GRM5: variants seen among roughly 807,000 people sequenced by gnomAD.
GRM5 encodes glutamate metabotropic receptor 5.
A neutral mutation model predicts 83.1 loss-of-function variants in GRM5; 19 were observed. The observed-to-expected ratio is 0.23, with a 90% confidence interval of 0.16 to 0.34. The LOEUF is 0.34. Among genes scored for constraint, GRM5 ranks in the 10% least tolerant of loss-of-function variants. GRM5 has a pLI of 1.00. For synonymous variants in GRM5, 675 were observed against 633.6 expected (o/e 1.07, Z -0.98); for missense variants, 1,160 against 1,588.3 (o/e 0.73, Z 4.58).
rs192679204 is a variant in GRM5, at chr11:88,952,268, C to T, written c.661+94944G>A. ...ATCTCCTATACATCTTTCAGGTTTC[C>T]TCACTGAAACGTTTTTATGACTTCC... On this transcript the variant is annotated intron_variant, in intron 2 of 9. Coordinates refer to ENST00000305447, the MANE Select transcript of GRM5 (RefSeq NM_001143831.3). 5.8e-3 allele frequency among the ~76,000 whole-genome samples: 884 copies of T among 152,298 alleles called. 4 individuals are homozygous for T. Among genetic ancestry groups the T allele is most frequent in the Non-Finnish European group, 8.9e-3 (603 of 68,014 alleles).
chr11:88,711,724 A>C (rs1235994395), intron 3 of GRM5, among the ~76,000 whole-genome samples: 3 of 152,144 alleles, frequency 2.0e-5, no homozygotes, highest in African/African-American at 4.8e-5. Context: ...AGTGTCTGAC[A>C]AATAGTAGGC....
intron 3 of GRM5, among the ~76,000 whole-genome samples, chr11:88,837,415 C>T (rs962039932): frequency 3.9e-5 from 6 of 151,976 alleles, no homozygotes; most frequent in African/African-American, 7.3e-5. Context: ...AATAGAATTG[C>T]TATAAAAAGT....
chr11:88,567,751 G>T lies in GRM5; in HGVS notation c.1932C>A (p.Cys644Ter). ...CLIAKPKQIYCYLQRIGIGLS... is the reference protein window; with the variant it reads ...CLIAKPKQIY ...GACCAATGCCAATTCTCTGAAGGTA[G>T]CAGTAAATCTGTTTGGGCTTCGCAA... Residue 644 changes from cysteine to a stop codon, truncating the protein, a stop_gained, in exon 8 of 10, where the codon TGC becomes TGA. Coordinates refer to ENST00000305447, the MANE Select transcript of GRM5 (RefSeq NM_001143831.3). LOFTEE classifies it high-confidence loss of function. This position sits in a 1 kb window ranked among gnomAD's most constrained non-coding sequence, Gnocchi z 7.3. 6.2e-7 allele frequency: 1 copy of T among 1,614,032 alleles called. No individual in the cohort carries two copies. Among genetic ancestry groups the T allele is most frequent in the Non-Finnish European group, 8.5e-7 (1 of 1,179,940 alleles).
chr11:89,060,081 A>T (rs1941958202), intron 1 of GRM5, among the ~76,000 whole-genome samples: 1 of 152,126 alleles, frequency 6.6e-6, no homozygotes, highest in South Asian at 2.1e-4. Context: ...AACATACTAC[A>T]ACTCACTGGA....
At chr11:88,678,796 T>G (rs1217466516) in intron 3 of GRM5, among the ~76,000 whole-genome samples, 5 of 151,978 alleles carry the variant, frequency 3.3e-5, no homozygotes, top group South Asian at 2.1e-4. Flanking sequence ...CAAAGATGAG[T>G]GGTAATTAAC....
chr11:88,982,934 C>T (rs929709511), intron 2 of GRM5, among the ~76,000 whole-genome samples: 6 of 152,120 alleles, frequency 3.9e-5, no homozygotes, highest in African/African-American at 1.2e-4. Context: ...GGCATGATGG[C>T]ACACGCCTGT....
At chr11:88,983,613 C>G (rs1242846086) in intron 2 of GRM5, among the ~76,000 whole-genome samples, 2 of 152,066 alleles carry the variant, frequency 1.3e-5, no homozygotes, top group South Asian at 2.1e-4. Context: ...ACATACAGTA[C>G]CTAACACTCA....
chr11:88,875,762 A>C (rs1257945335), intron 2 of GRM5, among the ~76,000 whole-genome samples: 2 of 152,086 alleles, frequency 1.3e-5, no homozygotes, highest in Admixed American at 6.6e-5. Flanking sequence ...TTTTCATCAG[A>C]GCTCTTGGGT....
intron 3 of GRM5, among the ~76,000 whole-genome samples, chr11:88,811,142 TG>T (rs1479573994): frequency 6.6e-6 from 1 of 151,964 alleles, no homozygotes; most frequent in South Asian, 2.1e-4. Flanking sequence ...TTAACAACAC[TG>T]GGGGGTGGAT....
chr11:88,529,546 G>C (rs1941959531), intron 8 of GRM5, among the ~76,000 whole-genome samples: 1 of 151,868 alleles, frequency 6.6e-6, no homozygotes, highest in Admixed American at 6.6e-5. Context: ...AGCAGATGGA[G>C]AAGTATATAA....
chr11:88,798,784 T>C (rs1943329686), intron 3 of GRM5, among the ~76,000 whole-genome samples: 1 of 135,316 alleles, frequency 7.4e-6, no homozygotes, highest in African/African-American at 2.9e-5. Flanking sequence ...TTCTCTACTC[T>C]TTGCTACCTA....
chr11:88,717,228 A>C (rs180812570), intron 3 of GRM5, among the ~76,000 whole-genome samples: 2 of 152,058 alleles, frequency 1.3e-5, no homozygotes, highest in Admixed American at 6.6e-5. Flanking sequence ...CATGCTTTAA[A>C]AAAAGCCATT....
intron 2 of GRM5, among the ~76,000 whole-genome samples, chr11:89,029,456 T>C (rs538888491): frequency 7.9e-4 from 121 of 152,344 alleles, no homozygotes; most frequent in African/African-American, 2.9e-3. Flanking sequence ...TAGTGCTTTG[T>C]TCTTCAGATT....
At chr11:88,764,761 T>C (rs1322573015) in intron 3 of GRM5, among the ~76,000 whole-genome samples, 2 of 150,768 alleles carry the variant, frequency 1.3e-5, no homozygotes, top group Non-Finnish European at 3.0e-5. Flanking sequence ...ATTAGAAAAA[T>C]TCAAATCAGC....
chr11:88,766,337 C>G (rs1311715723), intron 3 of GRM5, among the ~76,000 whole-genome samples: 2 of 151,752 alleles, frequency 1.3e-5, no homozygotes, highest in Admixed American at 1.3e-4. Context: ...CAAAATGGCA[C>G]GGTACTGGTA....
chr11:88,827,279 C>T (rs1268612664), intron 3 of GRM5, among the ~76,000 whole-genome samples: 1 of 152,192 alleles, frequency 6.6e-6, no homozygotes, highest in Non-Finnish European at 1.5e-5. Context: ...CACTACTCCA[C>T]ATCAGCAATG....
At chr11:88,821,357 AAAAAAG>A (rs1943788990) in intron 3 of GRM5, among the ~76,000 whole-genome samples, 1 of 148,598 alleles carries the variant, frequency 6.7e-6, no homozygotes. Context: ...AAAAAAAAAA[AAAAAAG>A]AAAAAAGAAA....
chr11:88,986,147 G>C (rs1382953634), intron 2 of GRM5, among the ~76,000 whole-genome samples: 2 of 152,082 alleles, frequency 1.3e-5, no homozygotes, highest in Non-Finnish European at 2.9e-5. Context: ...TCCATCTCAT[G>C]GAGTACTATT....
chr11:88,953,356 A>G (rs1344289597), intron 2 of GRM5, among the ~76,000 whole-genome samples: 1 of 152,222 alleles, frequency 6.6e-6, no homozygotes, highest in African/African-American at 2.4e-5. Context: ...TGGGCAGGTA[A>G]TAGGCTCTCA....
Sources: allele counts gnomAD v4.1 joint callset (sites outside exome capture counted in the v4.1 genomes callset), GRCh38; gene constraint gnomAD v4.1.1; non-coding constraint Gnocchi (gnomAD v3.1); transcripts MANE v1.5; gene names NCBI Gene and HGNC (gene_info 2026-07-23, HGNC 2026-07-21).